LPP: variants seen among roughly 807,000 people sequenced by gnomAD.
LPP encodes the protein lipoma-preferred partner.
LPP carries 38 observed loss-of-function variants against 60.4 expected under a neutral mutation model. The ratio of observed to expected loss-of-function variants is 0.63; its 90% CI spans 0.49 to 0.83. The LOEUF is 0.83. Ranked by LOEUF, LPP falls within the 40% of genes least tolerant of loss-of-function variation. The pLI is 0.00. For synonymous variants in LPP, 328 were observed against 290.8 expected (o/e 1.13, Z -1.30); for missense variants, 902 against 783.6 (o/e 1.15, Z -1.80).
At chr3:188,235,281 A>C (rs1363014179) in intron 2 of LPP, among the ~76,000 whole-genome samples, 1 of 152,150 alleles carries the variant, frequency 6.6e-6, no homozygotes, top group Non-Finnish European at 1.5e-5. Flanking sequence ...AGATAGTGTG[A>C]GAATGTTGAT....
chr3:188,276,994 C>T (rs1740178772), intron 2 of LPP, among the ~76,000 whole-genome samples: 1 of 135,912 alleles, frequency 7.4e-6, no homozygotes, highest in South Asian at 2.4e-4. Context: ...ACCTCTGCTT[C>T]CTGGGTTCAA....
At chr3:188,816,875 A>G (rs1476591766) in intron 9 of LPP, among the ~76,000 whole-genome samples, 1 of 152,226 alleles carries the variant, frequency 6.6e-6, no homozygotes, top group African/African-American at 2.4e-5. Flanking sequence ...TAGGAATACA[A>G]GAAATATTGC....
chr3:188,763,253 T>C (rs76882965), intron 9 of LPP, among the ~76,000 whole-genome samples: 1 of 145,876 alleles, frequency 6.9e-6, no homozygotes. Flanking sequence ...GTGCCTGTCT[T>C]TTTTTTTTTT....
intron 4 of LPP, among the ~76,000 whole-genome samples, chr3:188,412,799 A>G (rs961362678): frequency 6.6e-6 from 1 of 152,156 alleles, no homozygotes; most frequent in Non-Finnish European, 1.5e-5. Flanking sequence ...GAATTATATT[A>G]AATAGGGATC....
At chr3:188,793,374 G>A (rs542952129) in intron 9 of LPP, among the ~76,000 whole-genome samples, 18 of 152,098 alleles carry the variant, frequency 1.2e-4, no homozygotes, top group Admixed American at 3.3e-4. Context: ...CAGAGATGGC[G>A]TTTTGTCATG....
chr3:188,527,629 AT>A (rs1159494387), intron 6 of LPP, among the ~76,000 whole-genome samples: 1 of 151,842 alleles, frequency 6.6e-6, no homozygotes, highest in Admixed American at 6.6e-5. Context: ...ATGTTCAGCA[AT>A]TTTTTTTGAT....
chr3:188,264,028 G>A (rs181344310), intron 2 of LPP, among the ~76,000 whole-genome samples: 2 of 152,288 alleles, frequency 1.3e-5, no homozygotes, highest in East Asian at 3.9e-4. Context: ...CCAGAGCTAG[G>A]TGAGCTCTGT....
chr3:188,476,586 T>A (rs1803288579), intron 4 of LPP, among the ~76,000 whole-genome samples: 1 of 152,224 alleles, frequency 6.6e-6, no homozygotes, highest in Admixed American at 6.5e-5. Flanking sequence ...GAATGCTGGT[T>A]TCCCTATACT....
intron 2 of LPP, among the ~76,000 whole-genome samples, chr3:188,275,297 G>A (rs1328024530): frequency 2.6e-5 from 4 of 152,140 alleles, no homozygotes; most frequent in Non-Finnish European, 4.4e-5. Context: ...CCTAGAGTGC[G>A]GGTCAATCTA....
Position 188,886,721 on chromosome 3 carries a change from CACACACACACACACAT to C in LPP, c.*12258_*12273del, listed in dbSNP as rs981978679. 5 of 144,966 alleles carry C rather than the reference CACACACACACACACAT, an allele frequency of 3.4e-5. No homozygotes were observed. The highest frequency in any genetic ancestry group is 1.7e-4 in the African/African-American group (4 of 23,760). The allele number at this position is 144,966 out of a possible 1,614,324, so 9.0% of individuals were successfully genotyped here. ...TCATACAATTGTATTGTCTTCAAAA[CACACACACACACACAT>C]ACACACACACACACACACACACACA... On this transcript the variant is annotated 3_prime_UTR_variant, in exon 12 of 12. Transcript: ENST00000617246.
At chr3:188,165,368 G>A (rs1342255051) in intron 1 of LPP, among the ~76,000 whole-genome samples, 2 of 152,166 alleles carry the variant, frequency 1.3e-5, no homozygotes, top group Admixed American at 1.3e-4. Context: ...ATTTGATTGG[G>A]CATTGAAGGG....
chr3:188,766,261 T>TAATTGATA (rs1734083221), intron 9 of LPP, among the ~76,000 whole-genome samples: 1 of 151,994 alleles, frequency 6.6e-6, no homozygotes, highest in African/African-American at 2.4e-5. Flanking sequence ...CAGAAAATTT[T>TAATTGATA]AATTGATAAC....
chr3:188,270,469 T>C (rs913093363), intron 2 of LPP, among the ~76,000 whole-genome samples: 1 of 152,202 alleles, frequency 6.6e-6, no homozygotes, highest in African/African-American at 2.4e-5. Flanking sequence ...CTTTTGCATT[T>C]CAGTAAATGT....
chr3:188,848,610 C>T (rs1449483243), intron 9 of LPP, among the ~76,000 whole-genome samples: 4 of 152,198 alleles, frequency 2.6e-5, no homozygotes, highest in Non-Finnish European at 4.4e-5. Context: ...TCTAGTCCAA[C>T]CTCTTTGATA....
chr3:188,520,010 G>A (rs904631086), intron 5 of LPP, among the ~76,000 whole-genome samples: 4 of 151,952 alleles, frequency 2.6e-5, no homozygotes, highest in African/African-American at 4.8e-5. Context: ...TCATTCACAC[G>A]CTGTACATTT....
intron 2 of LPP, among the ~76,000 whole-genome samples, chr3:188,241,494 A>G (rs573373882): frequency 6.6e-6 from 1 of 152,208 alleles, no homozygotes; most frequent in African/African-American, 2.4e-5. Flanking sequence ...GAGTTGTTTG[A>G]AGGTTCATTT....
At chr3:188,735,063 A>G (rs1007201685) in intron 8 of LPP, among the ~76,000 whole-genome samples, 8 of 152,114 alleles carry the variant, frequency 5.3e-5, no homozygotes, top group African/African-American at 1.2e-4. Context: ...ACATAGCTCA[A>G]CTGATCTATA....
intron 5 of LPP, 85 bp from the exon 6 acceptor site, chr3:188,524,580 G>A: frequency 2.1e-6 from 3 of 1,414,546 alleles, no homozygotes; most frequent in South Asian, 1.4e-5. Context: ...CTTGGACAAA[G>A]CCACATTATA....
intron 8 of LPP, among the ~76,000 whole-genome samples, chr3:188,718,822 T>G (rs927314810): frequency 5.3e-5 from 8 of 152,242 alleles, no homozygotes; most frequent in African/African-American, 1.7e-4. Context: ...AAGATATATT[T>G]ATTTAGCACC....
Sources: gnomAD v4.1 joint callset for allele counts (sites outside exome capture counted in the v4.1 genomes callset) on GRCh38, gnomAD v4.1.1 for gene constraint, MANE v1.5 for transcripts, NCBI Gene and HGNC (gene_info 2026-07-23, HGNC 2026-07-21) for gene names.